Variants in NLGN1 observed in about 807,000 individuals in gnomAD.
NLGN1 encodes the protein neuroligin 1.
In NLGN1, 12 loss-of-function variants were observed where a neutral mutation model predicts 65.5. That is an observed-to-expected ratio of 0.18 (90% CI 0.12 to 0.30). The LOEUF is 0.30. Ranked by LOEUF, NLGN1 falls within the 10% of genes least tolerant of loss-of-function variation. The probability of loss-of-function intolerance (pLI) is 1.00; values close to 1 mark genes in which losing one functional copy is unlikely to be tolerated. For synonymous variants in NLGN1, 350 were observed against 359.5 expected, an observed-to-expected ratio of 0.97 and a Z score of 0.30; for missense variants, 750 against 1,007.1, an observed-to-expected ratio of 0.74 and a Z score of 3.46.
At chr3:173,450,367 C>T (rs1437857438) in intron 2 of NLGN1, among the ~76,000 whole-genome samples, 1 of 152,170 alleles carries the variant, frequency 6.6e-6, no homozygotes, top group African/African-American at 2.4e-5. Flanking sequence ...AAATTCTTTT[C>T]TTTAAGAACG....
intron 3 of NLGN1, among the ~76,000 whole-genome samples, chr3:173,675,344 C>T (rs763905974): frequency 2.6e-5 from 4 of 151,978 alleles, no homozygotes; most frequent in Non-Finnish European, 5.9e-5. Context: ...CATTTCATTG[C>T]GCATATATCT....
intron 2 of NLGN1, among the ~76,000 whole-genome samples, chr3:173,464,494 G>A (rs535901587): frequency 6.9e-6 from 1 of 144,372 alleles, no homozygotes; most frequent in African/African-American, 2.6e-5. Context: ...GGAGTGCAAT[G>A]GCGCAATCTC....
chr3:173,710,289 T>C (rs1175015839), intron 3 of NLGN1, among the ~76,000 whole-genome samples: 2 of 152,182 alleles, frequency 1.3e-5, no homozygotes, highest in Non-Finnish European at 2.9e-5. Flanking sequence ...ATTCCGGAAA[T>C]TCACTACTGC....
chr3:173,729,295 G>A (rs943030811), intron 3 of NLGN1, among the ~76,000 whole-genome samples: 4 of 152,012 alleles, frequency 2.6e-5, no homozygotes, highest in African/African-American at 9.7e-5. Context: ...GTTGAGTTCA[G>A]ATTCATCAAT....
intron 2 of NLGN1, among the ~76,000 whole-genome samples, chr3:173,476,345 TA>T (rs1437058340): frequency 6.6e-6 from 1 of 152,206 alleles, no homozygotes; most frequent in East Asian, 1.9e-4. Context: ...AAAATTTGGA[TA>T]AGTTTAATGT....
chr3:173,518,212 C>T (rs1347658010), intron 2 of NLGN1, among the ~76,000 whole-genome samples: 5 of 151,898 alleles, frequency 3.3e-5, no homozygotes, highest in Admixed American at 2.6e-4. Context: ...ATCTTATTTT[C>T]ATTTGCATTT....
At chr3:174,122,783 A>G (rs1175697423) in intron 4 of NLGN1, among the ~76,000 whole-genome samples, 1 of 152,102 alleles carries the variant, frequency 6.6e-6, no homozygotes, top group Non-Finnish European at 1.5e-5. Context: ...TTAATTACAG[A>G]GAGAAGATGA....
chr3:174,159,693 A>C (rs1228848456), intron 4 of NLGN1, among the ~76,000 whole-genome samples: 3 of 151,778 alleles, frequency 2.0e-5, no homozygotes, highest in African/African-American at 7.2e-5. Context: ...TGATGTGTTA[A>C]TCAAGTTAGG....
At chr3:173,705,108 T>C (rs1022637157) in intron 3 of NLGN1, among the ~76,000 whole-genome samples, 1 of 152,162 alleles carries the variant, frequency 6.6e-6, no homozygotes, top group African/African-American at 2.4e-5. Flanking sequence ...CTTAAACATA[T>C]GCATGTACAA....
chr3:173,401,538 TTG>T (rs1177165697), intron 1 of NLGN1, among the ~76,000 whole-genome samples: 2 of 150,784 alleles, frequency 1.3e-5, no homozygotes, highest in Admixed American at 6.6e-5. Context: ...TCTCTGAGCA[TTG>T]TGTCTTTTTT....
At chr3:173,734,416 A>G (rs574971205) in intron 3 of NLGN1, among the ~76,000 whole-genome samples, 2 of 109,202 alleles carry the variant, frequency 1.8e-5, no homozygotes, top group Non-Finnish European at 3.9e-5. Flanking sequence ...TTTTTTTTAG[A>G]AACAGGGTTT....
At chr3:173,648,297 CAAT>C (rs2149624841) in intron 3 of NLGN1, among the ~76,000 whole-genome samples, 1 of 152,122 alleles carries the variant, frequency 6.6e-6, no homozygotes, top group South Asian at 2.1e-4. Context: ...TCTCTAAACA[CAAT>C]AATAAGAAAC....
intron 4 of NLGN1, among the ~76,000 whole-genome samples, chr3:174,153,065 C>CA (rs1233629298): frequency 1.3e-5 from 2 of 152,066 alleles, no homozygotes; most frequent in Non-Finnish European, 2.9e-5. Flanking sequence ...GCTTTGCAGA[C>CA]ATAAAATACC....
intron 2 of NLGN1, among the ~76,000 whole-genome samples, chr3:173,554,829 T>C (rs1238895105): frequency 2.0e-5 from 3 of 152,200 alleles, no homozygotes; most frequent in Non-Finnish European, 4.4e-5. Context: ...ATAATAATTT[T>C]AGGTTCATTT....
At chr3:173,768,891 C>T (rs540358750) in intron 3 of NLGN1, among the ~76,000 whole-genome samples, 7 of 152,104 alleles carry the variant, frequency 4.6e-5, no homozygotes, top group Non-Finnish European at 7.4e-5. Flanking sequence ...ATCATTCCAC[C>T]CCAGCCTCCC....
chr3:174,226,381 AAG>A (rs1294737606), intron 4 of NLGN1, among the ~76,000 whole-genome samples: 7 of 152,156 alleles, frequency 4.6e-5, no homozygotes, highest in Non-Finnish European at 4.4e-5. Flanking sequence ...GCTTAGTATA[AAG>A]AGTGAGCCTA....
intron 3 of NLGN1, among the ~76,000 whole-genome samples, chr3:173,612,724 G>A (rs1489406758): frequency 6.6e-6 from 1 of 152,054 alleles, no homozygotes; most frequent in Non-Finnish European, 1.5e-5. Flanking sequence ...TTGGTGAATT[G>A]CTGTAACAAA....
chr3:173,697,152 A>T (rs1766341960), intron 3 of NLGN1, among the ~76,000 whole-genome samples: 1 of 152,174 alleles, frequency 6.6e-6, no homozygotes, highest in Admixed American at 6.5e-5. Flanking sequence ...GCTGCCTTCT[A>T]CTCACTAACA....
rs9810019 is a variant in NLGN1, at chr3:173,459,103, A to G, written c.-321+24025A>G. On this transcript the variant is annotated intron_variant, in intron 2 of 6. Transcript: ENST00000457714. ...AGAAAGAAGAGGGTATTTTATTTTGAATGCTCAGCTCATAGCCCATCTCTT... is the reference window on the plus strand; with the variant it reads ...AGAAAGAAGAGGGTATTTTATTTTGGATGCTCAGCTCATAGCCCATCTCTT... Among the ~76,000 whole-genome samples, 585 of 152,106 alleles carry G rather than the reference A, an allele frequency of 3.8e-3. 4 individuals carry two copies. Among genetic ancestry groups the G allele is most frequent in the African/African-American group, 0.013 (550 of 41,498 alleles).
Sources: allele counts gnomAD v4.1 joint callset (sites outside exome capture counted in the v4.1 genomes callset), GRCh38; gene constraint gnomAD v4.1.1; transcripts MANE v1.5; gene names NCBI Gene and HGNC (gene_info 2026-07-23, HGNC 2026-07-21).